The following OSBPL5 variants were observed in gnomAD, a reference collection of about 807,000 sequenced individuals.
OSBPL5 encodes the protein oxysterol-binding protein-related protein 5.
Under a neutral mutation model 111.2 loss-of-function variants are expected in OSBPL5, and 71 were observed. The ratio of observed to expected loss-of-function variants is 0.64; its 90% CI spans 0.53 to 0.78. OSBPL5 has a LOEUF of 0.78. Among genes scored for constraint, OSBPL5 ranks in the 30% least tolerant of loss-of-function variants. The probability of loss-of-function intolerance (pLI) is 0.00; values close to 1 mark genes in which losing one functional copy is unlikely to be tolerated. For synonymous variants in OSBPL5, 549 were observed against 513.9 expected (o/e 1.07, Z -0.93); for missense variants, 1,210 against 1,189.3 (o/e 1.02, Z -0.26).
At chr11:3,145,478 G>A (rs1846310462) in intron 1 of OSBPL5, among the ~76,000 whole-genome samples, 1 of 152,184 alleles carries the variant, frequency 6.6e-6, no homozygotes, top group Non-Finnish European at 1.5e-5. Flanking sequence ...GAACCTTCTG[G>A]AAGCCACCCC....
rs781642026 is a variant in OSBPL5, at chr11:3,154,347, C to T, written c.-22+10869G>A. Among the ~76,000 whole-genome samples, 3 of 152,338 alleles carry T rather than the reference C, an allele frequency of 2.0e-5. No individual in the cohort carries two copies. Among genetic ancestry groups the T allele is most frequent in the Non-Finnish European group, 4.4e-5 (3 of 68,024 alleles). ...CGAGTCACCCACATCCTGGCCTCCC[C>T]GCCCACTTTGCCGGTGGGACAGAGT... On this transcript the variant is annotated intron_variant, in intron 1 of 21. Transcript: ENST00000263650. This position sits in a 1 kb window ranked among gnomAD's most constrained non-coding sequence, Gnocchi z 4.9.
intron 1 of OSBPL5, among the ~76,000 whole-genome samples, chr11:3,145,000 G>A (rs1229431132): frequency 6.6e-6 from 1 of 152,262 alleles, no homozygotes; most frequent in African/African-American, 2.4e-5. Flanking sequence ...ATTACAGGCA[G>A]CTTCTGTAGC....
chr11:3,103,849 T>TCCTGCC (rs1564830668), intron 10 of OSBPL5, among the ~76,000 whole-genome samples: 3 of 48,562 alleles, frequency 6.2e-5, no homozygotes, highest in Non-Finnish European at 9.4e-5. Context: ...TGCAGCCCCT[T>TCCTGCC]TCCAGTCTGC....
intron 10 of OSBPL5, among the ~76,000 whole-genome samples, chr11:3,103,742 GCAACCCTCTTC>G (rs1564829749): frequency 0.033 from 1,725 of 51,838 alleles, 34 homozygotes; most frequent in African/African-American, 0.048. Flanking sequence ...TCCTGCCTCT[GCAACCCTCTTC>G]CAGCTCTGCA....
intron 2 of OSBPL5, among the ~76,000 whole-genome samples, chr11:3,128,561 T>A (rs1858714968): frequency 6.6e-6 from 1 of 152,198 alleles, no homozygotes; most frequent in Non-Finnish European, 1.5e-5. Context: ...AGCTGTCCCC[T>A]CTCAGAGCCC....
At chr11:3,129,352 G>A (rs575438752) in intron 1 of OSBPL5, 183 bp from the exon 2 acceptor site, 20 of 471,108 alleles carry the variant, frequency 4.2e-5, no homozygotes, top group Non-Finnish European at 6.3e-5. Context: ...CAGCTCAGGC[G>A]AATGGCTTTG....
intron 16 of OSBPL5, 31 bp from the exon 17 acceptor site, chr11:3,093,694 T>A (rs750846593): frequency 1.2e-6 from 2 of 1,612,724 alleles, no homozygotes; most frequent in East Asian, 4.5e-5. Flanking sequence ...GGTCAGAGGC[T>A]GGCCTGGCGT....
intron 3 of OSBPL5, among the ~76,000 whole-genome samples, chr11:3,124,205 T>C (rs1361915983): frequency 1.3e-5 from 2 of 152,200 alleles, no homozygotes; most frequent in South Asian, 2.1e-4. Context: ...AATAAGGAGC[T>C]GAGCTGGGAC....
chr11:3,158,422 C>G (rs566923688), intron 1 of OSBPL5, among the ~76,000 whole-genome samples: 1 of 152,396 alleles, frequency 6.6e-6, no homozygotes, highest in Admixed American at 6.5e-5. Flanking sequence ...CACACTGGCA[C>G]CTGCTTTTCC....
intron 1 of OSBPL5, among the ~76,000 whole-genome samples, chr11:3,144,029 C>A (rs1042596432): frequency 6.6e-6 from 1 of 152,142 alleles, no homozygotes; most frequent in Non-Finnish European, 1.5e-5. Flanking sequence ...TGGCGGGGGC[C>A]AGCTGCTCCA....
In OSBPL5 at chr11:3,104,178, C is replaced by A; in HGVS notation, c.1244+15G>T. ...AGGACGAGGTGTGGGGTGCCCCTCC[C>A]GGCATGGCGCGCACCTGGAGAGCAG... is the stretch of plus-strand genomic sequence containing the variant. On this transcript the variant is annotated intron_variant, in intron 10 of 21. Coordinates refer to ENST00000263650, the MANE Select transcript of OSBPL5 (RefSeq NM_020896.4). The surrounding 1 kb of genome is among the most constrained non-coding windows in gnomAD (Gnocchi z 5.0). 6.3e-7 allele frequency: 1 copy of A among 1,591,770 alleles called. No individual in the cohort carries two copies. Among genetic ancestry groups the A allele is most frequent in the Non-Finnish European group, 8.6e-7 (1 of 1,163,814 alleles).
At position 3,161,607 on chromosome 11, in the gene OSBPL5, T is replaced by C. The variant is rs537362434; in HGVS notation, c.-22+3609A>G. 1.2e-4 allele frequency among the ~76,000 whole-genome samples: 19 copies of C among 152,154 alleles called. No homozygotes were observed. In the South Asian group the frequency reaches 1.7e-3, roughly 13 times the overall value. On this transcript the variant is annotated intron_variant, in intron 1 of 21. Transcript: ENST00000263650. This position sits in a 1 kb window ranked among gnomAD's most constrained non-coding sequence, Gnocchi z 8.0. ...GAGCAGACTTGCAGGCAACCGTGCA[T>C]GGGGACAGACACCGCGCACCAGCGG...
intron 3 of OSBPL5, among the ~76,000 whole-genome samples, chr11:3,125,499 C>T (rs947086340): frequency 6.6e-6 from 1 of 152,208 alleles, no homozygotes; most frequent in Non-Finnish European, 1.5e-5. Flanking sequence ...CTACTTCATA[C>T]CCGCTAGGAT....
intron 10 of OSBPL5, 98 bp from the exon 11 acceptor site, chr11:3,103,418 A>C: frequency 1.8e-6 from 2 of 1,124,146 alleles, no homozygotes; most frequent in African/African-American, 1.6e-5. Context: ...ACCTCCAACC[A>C]CTCAGCTGGA....
chr11:3,120,945 G>A (rs1471322164), intron 5 of OSBPL5, among the ~76,000 whole-genome samples: 1 of 152,194 alleles, frequency 6.6e-6, no homozygotes. Flanking sequence ...AAAGAAATAC[G>A]TGGCAGCAGG....
Position 3,100,243 on chromosome 11 carries a change from C to T in OSBPL5, c.1536G>A (p.Ser512=), listed in dbSNP as rs201682860. The T allele has an allele frequency of 1.7e-4, 277 of 1,614,020 alleles. 1 individual carries two copies. The highest frequency in any genetic ancestry group is 5.6e-4 in the East Asian group (25 of 44,874). The part of the protein sequence containing the change: ...AKSRFYGNSL[S]ALLDGKATLT... ...GCGTGGCTTTGCCGTCCAGCAGCGC[C>T]GACAGCGAGTTCCCTGCAGAGACAA... Residue 512 remains serine, a synonymous_variant, in exon 14 of 22, where the codon TCG becomes TCA. Coordinates refer to ENST00000263650, the MANE Select transcript of OSBPL5 (RefSeq NM_020896.4).
chr11:3,092,820 T>TAGGCCC lies in OSBPL5; in HGVS notation c.2132+41_2132+46dup. On this transcript the variant is annotated intron_variant, in intron 18 of 21. Transcript: ENST00000263650. The surrounding 1 kb of genome is among the most constrained non-coding windows in gnomAD (Gnocchi z 5.4). The stretch of plus-strand genomic sequence containing the variant: ...CCTGGGCCCTTCTCAGCCCGTCTGC[T>TAGGCCC]AGGCCCAGCCCCACCCTGTGGCCCC... 3 of 1,480,812 alleles carry TAGGCCC rather than the reference T, an allele frequency of 2.0e-6. No individual in the cohort carries two copies. The highest frequency in any genetic ancestry group is 1.8e-6 in the Non-Finnish European group (2 of 1,107,336). The allele number at this position is 1,480,812 out of a possible 1,614,324, so 91.7% of individuals were successfully genotyped here. A position where few individuals can be genotyped will look rare whatever the true frequency, so the allele number is the denominator to read the frequency against.
chr11:3,111,510 G>T (rs750642379), intron 7 of OSBPL5, among the ~76,000 whole-genome samples: 2 of 152,166 alleles, frequency 1.3e-5, no homozygotes, highest in East Asian at 1.9e-4. Context: ...CAGTGATCAC[G>T]TAAGTTGTGC....
rs767775924 is a variant in OSBPL5 at position 3,092,902 on chromosome 11, G to A, written c.2097C>T (p.Asp699=). The A allele has an allele frequency of 1.3e-6, 2 of 1,561,436 alleles. No individual in the cohort carries two copies. Among genetic ancestry groups the A allele is most frequent in the South Asian group, 1.2e-5 (1 of 84,828 alleles). Residue 699 remains aspartate (D), a synonymous_variant, in exon 18 of 22, where the codon GAC becomes GAT. Coordinates refer to ENST00000263650, the MANE Select transcript of OSBPL5 (RefSeq NM_020896.4). This position sits in a 1 kb window ranked among gnomAD's most constrained non-coding sequence, Gnocchi z 5.4. The part of the protein sequence containing the change: ...MPWKPQLFHL[D]PITQEWHYRY... ...GGTAGTGCCACTCCTGGGTGATGGG[G>A]TCCAGGTGGAACAGCTGCGGCTTCC...
Sources: allele counts gnomAD v4.1 joint callset (sites outside exome capture counted in the v4.1 genomes callset), GRCh38; gene constraint gnomAD v4.1.1; non-coding constraint Gnocchi (gnomAD v3.1); transcripts MANE v1.5; gene names NCBI Gene and HGNC (gene_info 2026-07-23, HGNC 2026-07-21).